Variants in ERG observed in about 807,000 individuals in gnomAD.
ERG encodes the protein transcriptional regulator ERG.
ERG carries 9 observed loss-of-function variants against 55.3 expected under a neutral mutation model. The observed-to-expected ratio is 0.16, with a 90% CI of 0.10 to 0.28. The LOEUF is 0.28. Among genes scored for constraint, ERG ranks in the 10% least tolerant of loss-of-function variants. The pLI is 1.00. For missense variants in ERG, 434 were observed against 631.6 expected (o/e 0.69, Z 3.35); for synonymous variants, 223 against 237.3 (o/e 0.94, Z 0.55).
chr21:38,640,361 C>T lies in ERG; in HGVS notation c.-150+21297G>A, dbSNP rs2060602005. 2.0e-5 allele frequency among the ~76,000 whole-genome samples: 3 copies of T among 152,254 alleles called. No homozygotes were observed. The South Asian group carries it at 6.2e-4, about 32-fold the overall frequency. On this transcript the variant is annotated intron_variant, in intron 1 of 10. Coordinates refer to the ERG transcript ENST00000398910. ...AGAAACAGGAGATGGGGGAAGGGGG[C>T]ATGAGCTAAATTCTCATCTACCTTA... is the stretch of plus-strand genomic sequence containing the variant.
chr21:38,447,127 G>A (rs531267948), intron 1 of ERG, among the ~76,000 whole-genome samples: 26 of 151,160 alleles, frequency 1.7e-4, no homozygotes, highest in Admixed American at 1.2e-3. Context: ...TCTGTCGCTC[G>A]ATCCTCCACC....
intron 2 of ERG, among the ~76,000 whole-genome samples, chr21:38,538,937 G>A (rs2059731229): frequency 6.6e-6 from 1 of 152,100 alleles, no homozygotes; most frequent in Non-Finnish European, 1.5e-5. Context: ...CCCAGGGCCT[G>A]TCCAAGACAA....
At position 38,498,326 on chromosome 21, in the gene ERG, C is replaced by A. The variant is rs374142849; in HGVS notation, c.18+37G>T. On this transcript the variant is annotated intron_variant, in intron 1 of 9. Transcript: ENST00000288319. The surrounding 1 kb of genome is among the most constrained non-coding windows in gnomAD (Gnocchi z 4.6). ...AAACCAAAGAAAAGAGTAACAAGAA[C>A]AAGATTTTGTCAAATTAAAAGGAAC... 6.3e-7 allele frequency: 1 copy of A among 1,588,120 alleles called. No individual in the cohort carries two copies. Among genetic ancestry groups the A allele is most frequent in the Non-Finnish European group, 8.6e-7 (1 of 1,158,610 alleles).
At chr21:38,377,419 A>AAGAAGAGGACAGCT (rs1471808987), downstream of ERG, among the ~76,000 whole-genome samples, 1 of 152,216 alleles carries the variant, frequency 6.6e-6, no homozygotes, top group Non-Finnish European at 1.5e-5. Context: ...TGCCATAGAA[A>AAGAAGAGGACAGCT]AGAAGAGGAC....
chr21:38,460,915 C>T lies in ERG; in HGVS notation c.19-15294G>A, dbSNP rs2059036193. Among the ~76,000 whole-genome samples the T allele has an allele frequency of 6.6e-6, 1 of 152,186 alleles. No homozygotes were observed. The highest frequency in any genetic ancestry group is 2.4e-5 in the African/African-American group (1 of 41,440). On this transcript the variant is annotated intron_variant, in intron 1 of 9. Coordinates refer to ENST00000288319, the MANE Select transcript of ERG (RefSeq NM_182918.4). This position sits in a 1 kb window ranked among gnomAD's most constrained non-coding sequence, Gnocchi z 5.0. ...GAAAAACTGTTCACTGCTGTGCTTG[C>T]CTATGGAGAACCTGGATTCCCAGAG...
At chr21:38,413,766 T>C (rs1422476304) in intron 3 of ERG, among the ~76,000 whole-genome samples, 2 of 152,180 alleles carry the variant, frequency 1.3e-5, no homozygotes, top group African/African-American at 2.4e-5. Flanking sequence ...ACATTGTGTG[T>C]GCTCATCATG....
At chr21:38,449,634 G>A (rs2058922641) in intron 1 of ERG, among the ~76,000 whole-genome samples, 1 of 152,172 alleles carries the variant, frequency 6.6e-6, no homozygotes, top group Non-Finnish European at 1.5e-5. Flanking sequence ...AATGCATACT[G>A]ACATTTTCAG....
Position 38,383,757 on chromosome 21 carries a change from G to A in ERG, c.1086C>T (p.Tyr362=), listed in dbSNP as rs371799667. ...GERKSKPNMN[Y]DKLSRALRYY... ...AACGGAGGGCGCGGCTGAGCTTATC[G>A]TAGTTCATGTTGGGTTTGCTCTTCC... Residue 362 remains tyrosine, a synonymous_variant, in exon 10 of 10, where the codon TAC becomes TAT. Coordinates refer to ENST00000288319, the MANE Select transcript of ERG (RefSeq NM_182918.4). The surrounding 1 kb of genome is among the most constrained non-coding windows in gnomAD (Gnocchi z 5.7). 7.4e-6 allele frequency: 12 copies of A among 1,614,036 alleles called. No individual in the cohort carries two copies. The African/African-American group carries it at 1.5e-4, about 20-fold the overall frequency.
intron 1 of ERG, among the ~76,000 whole-genome samples, chr21:38,455,363 A>C (rs1168887059): frequency 6.6e-6 from 1 of 152,144 alleles, no homozygotes; most frequent in Non-Finnish European, 1.5e-5. Flanking sequence ...GTTGAAACTC[A>C]GGTGATTCAA....
intron 1 of ERG, among the ~76,000 whole-genome samples, chr21:38,607,225 T>C (rs2060201471): frequency 6.6e-6 from 1 of 152,176 alleles, no homozygotes; most frequent in African/African-American, 2.4e-5. Flanking sequence ...ATTGAAGAAA[T>C]GTTGAGGGAA....
At chr21:38,573,612 T>G (rs560173415) in intron 2 of ERG, among the ~76,000 whole-genome samples, 1 of 152,356 alleles carries the variant, frequency 6.6e-6, no homozygotes, top group African/African-American at 2.4e-5. Context: ...TAGATTCTTT[T>G]GCTCACATGT....
chr21:38,605,909 A>AGATAGAT (rs945047468), intron 1 of ERG, among the ~76,000 whole-genome samples: 17 of 152,328 alleles, frequency 1.1e-4, no homozygotes, highest in Admixed American at 5.2e-4. Context: ...AATAATAGAT[A>AGATAGAT]GATAGATAGG....
At chr21:38,511,423 T>A (rs1360537105) in intron 2 of ERG, among the ~76,000 whole-genome samples, 1 of 152,206 alleles carries the variant, frequency 6.6e-6, no homozygotes, top group African/African-American at 2.4e-5. Flanking sequence ...GCAATTACAC[T>A]GTCATGCTAC....
At chr21:38,625,814 T>A (rs2146949773) in intron 1 of ERG, among the ~76,000 whole-genome samples, 1 of 152,146 alleles carries the variant, frequency 6.6e-6, no homozygotes, top group Admixed American at 6.5e-5. Flanking sequence ...ACTTACTAAT[T>A]AATATGATTG....
the ERG span, among the ~76,000 whole-genome samples, chr21:38,374,160 CT>C: frequency 6.6e-6 from 1 of 152,228 alleles, no homozygotes; most frequent in African/African-American, 2.4e-5. Flanking sequence ...TTTTCGCTCT[CT>C]TGTGCTCCAA....
At chr21:38,427,643 G>A (rs1157669566) in intron 2 of ERG, among the ~76,000 whole-genome samples, 2 of 152,086 alleles carry the variant, frequency 1.3e-5, no homozygotes, top group East Asian at 1.9e-4. Context: ...CAAAGTAAAG[G>A]CAAGACAATG....
At chr21:38,458,296 T>C (rs2059008541) in intron 1 of ERG, among the ~76,000 whole-genome samples, 1 of 152,080 alleles carries the variant, frequency 6.6e-6, no homozygotes, top group South Asian at 2.1e-4. Context: ...TGGTGGCGTG[T>C]GCCTGTAATC....
At chr21:38,490,828 T>C (rs1309410685) in intron 1 of ERG, among the ~76,000 whole-genome samples, 2 of 152,228 alleles carry the variant, frequency 1.3e-5, no homozygotes, top group African/African-American at 4.8e-5. Flanking sequence ...AGCAGCTATA[T>C]CTATGCCTCC....
intron 1 of ERG, among the ~76,000 whole-genome samples, chr21:38,598,561 G>A (rs914077443): frequency 6.6e-6 from 1 of 152,204 alleles, no homozygotes; most frequent in Non-Finnish European, 1.5e-5. Flanking sequence ...ATCGGCTGAG[G>A]CTCAGAATAG....
Sources: gnomAD v4.1 joint callset for allele counts (sites outside exome capture counted in the v4.1 genomes callset) on GRCh38, gnomAD v4.1.1 for gene constraint, Gnocchi (gnomAD v3.1) non-coding constraint, MANE v1.5 for transcripts, NCBI Gene and HGNC (gene_info 2026-07-23, HGNC 2026-07-21) for gene names.